The following DMRT1 variants were observed in gnomAD, a reference collection of about 807,000 sequenced individuals.
DMRT1 encodes the protein doublesex and mab-3 related transcription factor 1.
A neutral mutation model predicts 32.3 loss-of-function variants in DMRT1; 7 were observed. That is an observed-to-expected ratio of 0.22 (90% CI 0.12 to 0.41). The LOEUF (loss-of-function observed/expected upper bound fraction) is 0.41. Ranked by LOEUF, DMRT1 falls within the 10% of genes least tolerant of loss-of-function variation. DMRT1 has a pLI of 1.00. For missense variants in DMRT1, 625 were observed against 500.5 expected (o/e 1.25, Z -2.37); for synonymous variants, 278 against 206.1 (o/e 1.35, Z -2.99).
At chr9:894,227 G>C in intron 3 of DMRT1, 32 bp downstream of exon 3, 1 of 1,610,866 alleles carries the variant, frequency 6.2e-7, no homozygotes, top group Non-Finnish European at 8.5e-7. Context: ...GAGTGAACTG[G>C]TTGTGTGAAA....
intron 2 of DMRT1, among the ~76,000 whole-genome samples, chr9:867,530 T>C (rs765268080): frequency 9.9e-5 from 15 of 152,252 alleles, no homozygotes; most frequent in Admixed American, 2.0e-4. Flanking sequence ...TTGTTATTTA[T>C]ATTTTCATTT....
chr9:897,617 G>C lies in DMRT1; in HGVS notation c.822+3422G>C, dbSNP rs142309564. Among the ~76,000 whole-genome samples, 33 of 151,708 alleles carry C rather than the reference G, an allele frequency of 2.2e-4. No homozygotes were observed. In the South Asian group the frequency reaches 2.3e-3, roughly 11 times the overall value. The stretch of plus-strand genomic sequence containing the variant: ...CAAAAAAAAAAAACAAAATTAAGTA[G>C]ATTTTGCATTCTACTATCTTCTCCC... On this transcript the variant is annotated intron_variant, in intron 3 of 4. Transcript: ENST00000382276.
chr9:866,652 A>G (rs1189595444), intron 2 of DMRT1, among the ~76,000 whole-genome samples: 2 of 152,220 alleles, frequency 1.3e-5, no homozygotes, highest in Non-Finnish European at 2.9e-5. Context: ...AATGCAGTGG[A>G]TGGGCAAGGA....
chr9:930,600 G>C (rs538682476), intron 4 of DMRT1, among the ~76,000 whole-genome samples: 1 of 152,122 alleles, frequency 6.6e-6, no homozygotes, highest in East Asian at 1.9e-4. Context: ...AGTAGAGACA[G>C]GGTTTCACCA....
chr9:912,584 G>A (rs1013854735), intron 3 of DMRT1, among the ~76,000 whole-genome samples: 2 of 152,084 alleles, frequency 1.3e-5, no homozygotes, highest in African/African-American at 2.4e-5. Flanking sequence ...TCCAGTAAGC[G>A]TTAGTTAAAA....
chr9:851,904 T>A (rs886554398), intron 2 of DMRT1, among the ~76,000 whole-genome samples: 1 of 152,014 alleles, frequency 6.6e-6, no homozygotes, highest in African/African-American at 2.4e-5. Context: ...TTGCTGTTGC[T>A]TGTACCAGCA....
At chr9:893,787 A>T (rs1817242356) in intron 2 of DMRT1, 125 bp from the exon 3 acceptor site, 2 of 856,760 alleles carry the variant, frequency 2.3e-6, no homozygotes, top group African/African-American at 3.3e-5. Context: ...GAAGCAACAG[A>T]TGGTTTTGTC....
At position 841,760 on chromosome 9, in the gene DMRT1, T is replaced by C. The variant is rs538161586; in HGVS notation, c.-79T>C. The C allele has an allele frequency of 6.4e-7, 1 of 1,551,248 alleles. No homozygotes were observed. The highest frequency in any genetic ancestry group is 2.0e-5 in the Admixed American group (1 of 51,240). On this transcript the variant is annotated 5_prime_UTR_variant, in exon 1 of 5. Coordinates refer to ENST00000382276, the MANE Select transcript of DMRT1 (RefSeq NM_021951.3). ...TGCGCCTCCTCCTCCGGAGCGTCGC[T>C]GTCCGTCGGGTTCATCCCTCGCAGC...
chr9:890,560 G>C (rs1198967563), intron 2 of DMRT1, among the ~76,000 whole-genome samples: 2 of 152,058 alleles, frequency 1.3e-5, no homozygotes, highest in Non-Finnish European at 2.9e-5. Context: ...TTGCACTTTA[G>C]TTTTGCCCTC....
At chr9:923,746 GA>G (rs1449768765) in intron 4 of DMRT1, among the ~76,000 whole-genome samples, 1 of 152,186 alleles carries the variant, frequency 6.6e-6, no homozygotes, top group Non-Finnish European at 1.5e-5. Context: ...CAGTAGGATA[GA>G]AAAACATCAA....
At chr9:869,343 G>C (rs1816131218) in intron 2 of DMRT1, among the ~76,000 whole-genome samples, 1 of 152,146 alleles carries the variant, frequency 6.6e-6, no homozygotes, top group African/African-American at 2.4e-5. Flanking sequence ...ATCTACACTT[G>C]CATTGTGAAT....
At chr9:856,164 G>T (rs908352618) in intron 2 of DMRT1, among the ~76,000 whole-genome samples, 9 of 150,968 alleles carry the variant, frequency 6.0e-5, no homozygotes, top group Non-Finnish European at 1.2e-4. Flanking sequence ...TGATCCACCC[G>T]CCTCGGCCTC....
At chr9:893,609 A>T (rs557989552) in intron 2 of DMRT1, among the ~76,000 whole-genome samples, 52 of 152,352 alleles carry the variant, frequency 3.4e-4, no homozygotes, top group African/African-American at 1.2e-3. Context: ...GTTTCTTGAC[A>T]TTAGGATAGG....
At chr9:908,032 G>C (rs1327120940) in intron 3 of DMRT1, among the ~76,000 whole-genome samples, 1 of 152,132 alleles carries the variant, frequency 6.6e-6, no homozygotes, top group African/African-American at 2.4e-5. Context: ...AAATAATTTG[G>C]CCTTTGTAAA....
intron 4 of DMRT1, among the ~76,000 whole-genome samples, chr9:942,688 ATT>A (rs1481564445): frequency 6.6e-6 from 1 of 151,362 alleles, no homozygotes; most frequent in Non-Finnish European, 1.5e-5. Context: ...CTTTTTGTTT[ATT>A]TTCTTGTGTT....
intron 3 of DMRT1, among the ~76,000 whole-genome samples, chr9:906,489 C>G (rs1005136587): frequency 1.3e-5 from 2 of 152,196 alleles, no homozygotes. Context: ...GGCTATATCT[C>G]TTGATGTCGC....
At chr9:859,348 A>G (rs1421302116) in intron 2 of DMRT1, among the ~76,000 whole-genome samples, 1 of 152,146 alleles carries the variant, frequency 6.6e-6, no homozygotes, top group Non-Finnish European at 1.5e-5. Context: ...AGTACACTGT[A>G]AATTCTGTCT....
At chr9:956,401 C>G (rs1263110541) in intron 4 of DMRT1, among the ~76,000 whole-genome samples, 9 of 151,904 alleles carry the variant, frequency 5.9e-5, no homozygotes, top group Non-Finnish European at 1.3e-4. Flanking sequence ...GAACGCTACA[C>G]TTGAAAATGG....
intron 3 of DMRT1, among the ~76,000 whole-genome samples, chr9:902,070 C>T (rs1275310798): frequency 1.3e-5 from 2 of 150,208 alleles, no homozygotes; most frequent in Admixed American, 6.6e-5. Flanking sequence ...CCACCACGCC[C>T]AGCTAATTTT....
Sources: allele counts gnomAD v4.1 joint callset (sites outside exome capture counted in the v4.1 genomes callset), GRCh38; gene constraint gnomAD v4.1.1; transcripts MANE v1.5; gene names NCBI Gene and HGNC (gene_info 2026-07-23, HGNC 2026-07-21).